The following USH2A variants were observed in gnomAD, a reference collection of about 807,000 sequenced individuals.
USH2A encodes usherin.
USH2A carries 443 observed loss-of-function variants against 538.9 expected under a neutral mutation model. The observed-to-expected ratio is 0.82, with a 90% CI of 0.76 to 0.89. The LOEUF is 0.89. Ranked by LOEUF, USH2A falls within the 40% of genes least tolerant of loss-of-function variation. USH2A has a pLI of 0.00. For missense variants in USH2A, 6,633 were observed against 6,324.8 expected (o/e 1.05, Z -1.65); for synonymous variants, 2,413 against 2,273.5 (o/e 1.06, Z -1.75).
intron 3 of USH2A, among the ~76,000 whole-genome samples, chr1:216,367,236 C>A (rs2038616560): frequency 6.6e-6 from 1 of 152,022 alleles, no homozygotes; most frequent in Non-Finnish European, 1.5e-5. Flanking sequence ...CATGAGAGAG[C>A]CAACAATATA....
chr1:216,148,719 A>C (rs1274168806), intron 21 of USH2A, among the ~76,000 whole-genome samples: 49 of 151,648 alleles, frequency 3.2e-4, no homozygotes, highest in African/African-American at 1.1e-3. Context: ...TTGCCTATAC[A>C]CCCTGTGGTG....
At chr1:216,029,476 T>G (rs774476135) in intron 32 of USH2A, among the ~76,000 whole-genome samples, 1 of 152,042 alleles carries the variant, frequency 6.6e-6, no homozygotes, top group African/African-American at 2.4e-5. Context: ...TTATGTTATG[T>G]TACATATGTG....
intron 61 of USH2A, among the ~76,000 whole-genome samples, chr1:215,718,180 T>C (rs974635273): frequency 1.3e-5 from 2 of 152,152 alleles, no homozygotes; most frequent in African/African-American, 4.8e-5. Context: ...AAAAGATTCA[T>C]TTGCAAACCC....
At chr1:216,180,741 G>A (rs141562543) in intron 20 of USH2A, among the ~76,000 whole-genome samples, 344 of 152,214 alleles carry the variant, frequency 2.3e-3, no homozygotes, top group African/African-American at 7.9e-3. Flanking sequence ...TGTTTCAGGG[G>A]TGGGTGGGGA....
chr1:215,820,322 T>C (rs567594712), intron 47 of USH2A, among the ~76,000 whole-genome samples: 2 of 151,338 alleles, frequency 1.3e-5, no homozygotes, highest in East Asian at 3.9e-4. Flanking sequence ...ACACACAACA[T>C]TGTGGATTAT....
At chr1:215,653,851 G>C (rs138889095) in intron 64 of USH2A, among the ~76,000 whole-genome samples, 1 of 152,174 alleles carries the variant, frequency 6.6e-6, no homozygotes, top group East Asian at 1.9e-4. Context: ...CCCAAGATTC[G>C]ATTCTGTCTT....
Position 215,683,082 on chromosome 1 carries a change from T to A in USH2A, c.12067-2706A>T, listed in dbSNP as rs934852502. Among the ~76,000 whole-genome samples the A allele has an allele frequency of 2.6e-5, 4 of 152,170 alleles. No individual in the cohort carries two copies. In the East Asian group the frequency reaches 7.7e-4, roughly 29 times the overall value. ...TTCCTTTTTTTGTAGGGATTGGGTA[T>A]CACTATGTTGCCCAGGTTGGTCTCC... On this transcript the variant is annotated intron_variant, in intron 61 of 71. Coordinates refer to ENST00000307340, the MANE Select transcript of USH2A (RefSeq NM_206933.4).
At chr1:215,656,736 T>C (rs779669664) in intron 64 of USH2A, among the ~76,000 whole-genome samples, 2 of 152,176 alleles carry the variant, frequency 1.3e-5, no homozygotes, top group Non-Finnish European at 2.9e-5. Context: ...TGTAACATAC[T>C]TCCTTGTGGG....
At chr1:215,734,996 G>C (rs745612677) in intron 60 of USH2A, among the ~76,000 whole-genome samples, 1 of 152,050 alleles carries the variant, frequency 6.6e-6, no homozygotes, top group Admixed American at 6.6e-5. Flanking sequence ...ACATTTTCAG[G>C]TATCTTCATA....
Position 216,352,483 on chromosome 1 carries a change from G to A in USH2A, c.784+12470C>T, listed in dbSNP as rs371903914. Among the ~76,000 whole-genome samples the A allele has an allele frequency of 3.3e-5, 5 of 152,282 alleles. No individual in the cohort carries two copies. In the East Asian group the frequency reaches 7.7e-4, roughly 24 times the overall value. On this transcript the variant is annotated intron_variant, in intron 4 of 71. Coordinates refer to ENST00000307340, the MANE Select transcript of USH2A (RefSeq NM_206933.4). ...GAGATTTGACAAGTGTAGCTTAAGT[G>A]CAGTGGTGAGCTAAAGTCTGACTGT...
At chr1:216,348,422 C>G (rs905550962) in intron 4 of USH2A, among the ~76,000 whole-genome samples, 3 of 152,016 alleles carry the variant, frequency 2.0e-5, no homozygotes, top group Admixed American at 6.6e-5. Context: ...AAGAATGTCA[C>G]TTTCTGATAG....
At chr1:215,784,105 T>C (rs1395593138) in intron 52 of USH2A, among the ~76,000 whole-genome samples, 1 of 152,184 alleles carries the variant, frequency 6.6e-6, no homozygotes, top group African/African-American at 2.4e-5. Flanking sequence ...ATGGCAACCA[T>C]GAGTCCCCAG....
chr1:216,204,643 C>T lies in USH2A; in HGVS notation c.3316+2630G>A, dbSNP rs1177178856. 2.6e-5 allele frequency among the ~76,000 whole-genome samples: 4 copies of T among 152,162 alleles called. 1 individual carries two copies. The highest frequency in any genetic ancestry group is 1.3e-4 in the Admixed American group (2 of 15,280). On this transcript the variant is annotated intron_variant, in intron 16 of 71. Coordinates refer to ENST00000307340, the MANE Select transcript of USH2A (RefSeq NM_206933.4). ...CTTTGAAAAGTTCAATGATTCTCCACCTATAATTCCTAATGCCTTTATTTA... is the reference window on the plus strand; with the variant it reads ...CTTTGAAAAGTTCAATGATTCTCCATCTATAATTCCTAATGCCTTTATTTA...
chr1:215,817,613 G>A (rs1456043206), intron 47 of USH2A, among the ~76,000 whole-genome samples: 2 of 151,920 alleles, frequency 1.3e-5, no homozygotes, highest in South Asian at 2.1e-4. Context: ...GAGATGCCAC[G>A]GGAACACCAT....
At chr1:215,857,810 T>C (rs1664210406) in intron 44 of USH2A, among the ~76,000 whole-genome samples, 1 of 137,614 alleles carries the variant, frequency 7.3e-6, no homozygotes, top group South Asian at 2.4e-4. Context: ...GGTTGGTTGA[T>C]ATCAGTGGTG....
intron 3 of USH2A, among the ~76,000 whole-genome samples, chr1:216,394,720 C>CTTTTTTTTTT (rs780581599): frequency 0.49 from 56,830 of 117,166 alleles, 16,706 homozygotes; most frequent in East Asian, 0.67. Flanking sequence ...CTGGTCCAGT[C>CTTTTTTTTTT]TTTTTTTTTT....
intron 61 of USH2A, among the ~76,000 whole-genome samples, chr1:215,716,688 T>C (rs2257059): frequency 0.91 from 139,035 of 152,266 alleles, 63,691 homozygotes; most frequent in East Asian, 1. Context: ...TGGATTAAAA[T>C]TCTCTGATTT....
intron 61 of USH2A, among the ~76,000 whole-genome samples, chr1:215,716,540 C>T (rs1659493808): frequency 6.6e-6 from 1 of 152,154 alleles, no homozygotes; most frequent in Non-Finnish European, 1.5e-5. Context: ...CATAATCACC[C>T]AATAGGAATT....
At chr1:216,139,297 A>C (rs567633882) in intron 21 of USH2A, among the ~76,000 whole-genome samples, 1 of 151,792 alleles carries the variant, frequency 6.6e-6, no homozygotes, top group East Asian at 1.9e-4. Context: ...CCATGTCACC[A>C]CTTTGGAACA....
Sources: gnomAD v4.1 joint callset for allele counts (sites outside exome capture counted in the v4.1 genomes callset) on GRCh38, gnomAD v4.1.1 for gene constraint, MANE v1.5 for transcripts, NCBI Gene and HGNC (gene_info 2026-07-23, HGNC 2026-07-21) for gene names.